LHFPL6: variants seen among roughly 807,000 people sequenced by gnomAD.
LHFPL6 encodes LHFPL tetraspan subfamily member 6 protein.
A neutral mutation model predicts 20.6 loss-of-function variants in LHFPL6; 9 were observed. The ratio of observed to expected loss-of-function variants is 0.44; its 90% confidence interval spans 0.26 to 0.76. The LOEUF (loss-of-function observed/expected upper bound fraction) is 0.76. LHFPL6 is among the 30% of genes least tolerant of loss of function. The pLI, the probability that LHFPL6 is intolerant of heterozygous loss-of-function variation, is 0.20. For missense variants in LHFPL6, 218 were observed against 253.5 expected (o/e 0.86, Z 0.95); for synonymous variants, 105 against 98.7 (o/e 1.06, Z -0.38).
At chr13:39,361,317 T>A (rs370922872) in intron 3 of LHFPL6, among the ~76,000 whole-genome samples, 2 of 101,204 alleles carry the variant, frequency 2.0e-5, no homozygotes, top group Non-Finnish European at 4.4e-5. Context: ...TTTTTAATTT[T>A]TTTTATTTTT....
intron 2 of LHFPL6, among the ~76,000 whole-genome samples, chr13:39,584,235 A>G (rs1872375319): frequency 6.6e-6 from 1 of 152,174 alleles, no homozygotes; most frequent in African/African-American, 2.4e-5. Context: ...TTTGTTGAAT[A>G]AGTGAATAAA....
At chr13:39,529,329 T>C (rs1870388999) in intron 2 of LHFPL6, among the ~76,000 whole-genome samples, 1 of 152,146 alleles carries the variant, frequency 6.6e-6, no homozygotes, top group Admixed American at 6.5e-5. Context: ...TGATCTCAGG[T>C]GATCCACCCA....
Position 39,601,013 on chromosome 13 carries a change from A to G in LHFPL6, c.204T>C (p.Cys68=), listed in dbSNP as rs773338734. 5.0e-6 allele frequency: 8 copies of G among 1,614,180 alleles called. 1 individual carries two copies. The South Asian group carries it at 6.6e-5, about 13-fold the overall frequency. ...TGCCCTGGAAGGAGGCATAGCGCCC[A>G]CATTCCTCCACCATCACCATCATCT... is the stretch of plus-strand genomic sequence containing the variant. ...SRQMMVMVEE[C]GRYASFQGIP... The change falls in exon 2 of 4, where the codon TGT becomes TGC. Residue 68 remains cysteine, a synonymous_variant. Coordinates refer to ENST00000379589, the MANE Select transcript of LHFPL6 (RefSeq NM_005780.3).
At chr13:39,470,383 C>T (rs1872912680) in intron 2 of LHFPL6, among the ~76,000 whole-genome samples, 1 of 151,888 alleles carries the variant, frequency 6.6e-6, no homozygotes, top group African/African-American at 2.4e-5. Flanking sequence ...TTTTTTTTCA[C>T]ATTATCAACT....
At chr13:39,358,254 C>T (rs1869778905) in intron 3 of LHFPL6, among the ~76,000 whole-genome samples, 1 of 152,058 alleles carries the variant, frequency 6.6e-6, no homozygotes, top group African/African-American at 2.4e-5. Flanking sequence ...CACCTACAAC[C>T]ATCTGATCTT....
chr13:39,490,336 A>C (rs1013589563), intron 2 of LHFPL6, among the ~76,000 whole-genome samples: 1 of 152,212 alleles, frequency 6.6e-6, no homozygotes, highest in African/African-American at 2.4e-5. Context: ...GTAAGTCTCT[A>C]AAAGCCTGAT....
rs567656889 is a variant in LHFPL6, at chr13:39,593,949, T to C, written c.385+6883A>G. Among the ~76,000 whole-genome samples the C allele has an allele frequency of 2.6e-5, 4 of 152,286 alleles. No individual in the cohort carries two copies. In the South Asian group the frequency reaches 8.3e-4, roughly 32 times the overall value. On this transcript the variant is annotated intron_variant, in intron 2 of 3. Transcript: ENST00000379589. ...TGAAACTGGATCCCTTCCTTACACCTTATACAAAAATCAATTCAAGATGGA... is the reference window on the plus strand; with the variant it reads ...TGAAACTGGATCCCTTCCTTACACCCTATACAAAAATCAATTCAAGATGGA...
At chr13:39,429,607 TC>T (rs1238099305) in intron 2 of LHFPL6, among the ~76,000 whole-genome samples, 1 of 152,210 alleles carries the variant, frequency 6.6e-6, no homozygotes, top group Non-Finnish European at 1.5e-5. Context: ...TATTGATTTT[TC>T]AATATCAATA....
chr13:39,348,196 C>T (rs1425576055), intron 3 of LHFPL6, among the ~76,000 whole-genome samples: 1 of 152,294 alleles, frequency 6.6e-6, no homozygotes, highest in East Asian at 1.9e-4. Flanking sequence ...ACAGCCGATG[C>T]TGTAGATTCT....
At chr13:39,589,848 T>G (rs555232025) in intron 2 of LHFPL6, among the ~76,000 whole-genome samples, 1 of 152,320 alleles carries the variant, frequency 6.6e-6, no homozygotes, top group African/African-American at 2.4e-5. Flanking sequence ...TCTCCCCAAA[T>G]GGCCTCTCTA....
In LHFPL6 at chr13:39,480,039, CA is replaced by C. The variant is rs1331074281; in HGVS notation, c.386-101514del. Among the ~76,000 whole-genome samples, 4 of 152,118 alleles carry C rather than the reference CA, an allele frequency of 2.6e-5. No individual in the cohort carries two copies. In the East Asian group the frequency reaches 7.7e-4, roughly 29 times the overall value. Reference sequence around the variant, plus strand: ...ATTGTTGGAAACTCTGCAAACAATTCAACAAACTAGAAAATGTAGAAAAATA... The same window carrying C: ...ATTGTTGGAAACTCTGCAAACAATTCACAAACTAGAAAATGTAGAAAAATA... On this transcript the variant is annotated intron_variant, in intron 2 of 3. Transcript: ENST00000379589.
At chr13:39,583,083 A>G (rs1872337983) in intron 2 of LHFPL6, among the ~76,000 whole-genome samples, 1 of 152,280 alleles carries the variant, frequency 6.6e-6, no homozygotes, top group Admixed American at 6.5e-5. Flanking sequence ...CAATCAGAGA[A>G]GAAAGATATT....
chr13:39,559,681 C>T (rs187463141), intron 2 of LHFPL6, among the ~76,000 whole-genome samples: 1 of 152,222 alleles, frequency 6.6e-6, no homozygotes, highest in Admixed American at 6.5e-5. Context: ...TCTAGAAGAA[C>T]GGGTGAAAAG....
chr13:39,362,549 A>G (rs1236734006), intron 3 of LHFPL6, among the ~76,000 whole-genome samples: 1 of 152,270 alleles, frequency 6.6e-6, no homozygotes, highest in East Asian at 1.9e-4. Flanking sequence ...AAGTTTAAGG[A>G]GCAAGAAATC....
At chr13:39,593,229 T>A (rs1872665698) in intron 2 of LHFPL6, among the ~76,000 whole-genome samples, 1 of 152,362 alleles carries the variant, frequency 6.6e-6, no homozygotes, top group Non-Finnish European at 1.5e-5. Flanking sequence ...AAGCCCATTG[T>A]CTCAGCCCAA....
intron 2 of LHFPL6, among the ~76,000 whole-genome samples, chr13:39,578,945 G>A (rs2138537394): frequency 6.6e-6 from 1 of 152,270 alleles, no homozygotes; most frequent in African/African-American, 2.4e-5. Flanking sequence ...AAAGGTGAAG[G>A]GAACAGCGTT....
chr13:39,372,753 C>T (rs1420391951), intron 3 of LHFPL6, among the ~76,000 whole-genome samples: 4 of 152,070 alleles, frequency 2.6e-5, no homozygotes, highest in Admixed American at 2.0e-4. Context: ...CAGATTCCTA[C>T]ACATTATACT....
At chr13:39,481,066 C>A (rs1197705027) in intron 2 of LHFPL6, among the ~76,000 whole-genome samples, 1 of 151,978 alleles carries the variant, frequency 6.6e-6, no homozygotes, top group Non-Finnish European at 1.5e-5. Flanking sequence ...TTGGTTTTCC[C>A]CCTTATTTTT....
chr13:39,585,064 C>T (rs1208729585), intron 2 of LHFPL6, among the ~76,000 whole-genome samples: 1 of 152,154 alleles, frequency 6.6e-6, no homozygotes, highest in Non-Finnish European at 1.5e-5. Flanking sequence ...CCCAATTGCA[C>T]CCCACAGCAC....
Sources: gnomAD v4.1 joint callset for allele counts (sites outside exome capture counted in the v4.1 genomes callset) on GRCh38, gnomAD v4.1.1 for gene constraint, MANE v1.5 for transcripts, NCBI Gene and HGNC (gene_info 2026-07-23, HGNC 2026-07-21) for gene names.